Variants in XRCC1 observed in about 807,000 individuals in gnomAD.
XRCC1 encodes the protein X-ray repair cross complementing 1.
XRCC1 carries 52 observed loss-of-function variants against 83.3 expected under a neutral mutation model. The ratio of observed to expected loss-of-function variants is 0.62; its 90% CI spans 0.50 to 0.79. XRCC1 has a LOEUF of 0.79. Ranked by LOEUF, XRCC1 falls within the 30% of genes least tolerant of loss-of-function variation. The probability of loss-of-function intolerance (pLI) is 0.00; values close to 1 mark genes in which losing one functional copy is unlikely to be tolerated. For missense variants in XRCC1, 793 were observed against 823.5 expected, an observed-to-expected ratio of 0.96 and a Z score of 0.45; for synonymous variants, 281 against 312.6, an observed-to-expected ratio of 0.90 and a Z score of 1.07.
intron 8 of XRCC1, among the ~76,000 whole-genome samples, chr19:43,552,576 A>G (rs1297223962): frequency 7.1e-6 from 1 of 140,442 alleles, no homozygotes; most frequent in Middle Eastern, 4.1e-3. Flanking sequence ...CCAGGGGTCC[A>G]GGCTCCCAGC....
intron 4 of XRCC1, 142 bp from the exon 5 acceptor site, chr19:43,553,825 T>C (rs1310726431): frequency 1.5e-5 from 10 of 649,020 alleles, no homozygotes; most frequent in African/African-American, 5.5e-5. Flanking sequence ...CTGGCGATGG[T>C]GATGACAATT....
intron 3 of XRCC1, among the ~76,000 whole-genome samples, chr19:43,560,539 G>A (rs1395748309): frequency 6.6e-6 from 1 of 152,154 alleles, no homozygotes; most frequent in Non-Finnish European, 1.5e-5. Context: ...GAGGGCAGAT[G>A]GACTCTAGAA....
chr19:43,545,820 G>C lies in XRCC1; in HGVS notation c.1619C>G (p.Pro540Arg), dbSNP rs1600041095. ...EPPDLPVPEL[P>R]DFFQGKHFFL... is the part of the protein sequence containing the mutation. ...GGAGGGATGGGGGGATTTCCCACCT[G>C]GGAGCTCAGGGACTGGCAGATCAGG... Residue 540 changes from proline to arginine, a missense_variant and splice_region_variant, in exon 14 of 17, where the codon CCA (proline) becomes CGA (arginine). Pro to Arg is a moderately radical substitution (Grantham distance 103). Transcript: ENST00000262887. 6.2e-7 allele frequency: 1 copy of C among 1,613,634 alleles called. No homozygotes were observed. The highest frequency in any genetic ancestry group is 2.2e-5 in the East Asian group (1 of 44,872).
chr19:43,548,766 C>CAAAAAAAAAAAAAAAAAA (rs60740505), intron 10 of XRCC1, among the ~76,000 whole-genome samples: 53 of 64,556 alleles, frequency 8.2e-4, no homozygotes, highest in East Asian at 1.4e-3. Flanking sequence ...CAAGAATGAT[C>CAAAAAAAAAAAAAAAAAA]AAAAAAAAAA....
intron 2 of XRCC1, among the ~76,000 whole-genome samples, chr19:43,572,218 G>A (rs1972812232): frequency 6.6e-6 from 1 of 152,138 alleles, no homozygotes; most frequent in Non-Finnish European, 1.5e-5. Flanking sequence ...TGATTTCCCT[G>A]GAGTCACTTG....
At chr19:43,552,945 T>A (rs781347646) in intron 7 of XRCC1, 37 bp from the exon 8 acceptor site, 2 of 1,610,304 alleles carry the variant, frequency 1.2e-6, no homozygotes, top group Admixed American at 3.4e-5. Context: ...CTCCAGCTTC[T>A]CTCCTCCTCC....
At chr19:43,565,935 C>A (rs1972747829) in intron 2 of XRCC1, among the ~76,000 whole-genome samples, 1 of 151,670 alleles carries the variant, frequency 6.6e-6, no homozygotes, top group Admixed American at 6.6e-5. Context: ...GAGACTCTGT[C>A]TCAAGAGAGA....
chr19:43,560,793 A>C, intron 3 of XRCC1, 117 bp downstream of exon 3: 1 of 807,094 alleles, frequency 1.2e-6, no homozygotes, highest in Non-Finnish European at 2.1e-6. Context: ...AGAGGGCAGC[A>C]ATCAGGTGTG....
chr19:43,546,781 G>C (rs751869528), intron 11 of XRCC1, 54 bp from the exon 12 acceptor site: 56 of 1,594,584 alleles, frequency 3.5e-5, no homozygotes, highest in Non-Finnish European at 4.5e-5. Flanking sequence ...GGGTGTGTTG[G>C]GGGGGTACCT....
In XRCC1 at chr19:43,543,440, C is replaced by T. The variant is rs1022665812; in HGVS notation, c.1854G>A (p.Lys618=). The T allele has an allele frequency of 6.2e-7, 1 of 1,609,388 alleles. No homozygotes were observed. Among genetic ancestry groups the T allele is most frequent in the Non-Finnish European group, 8.5e-7 (1 of 1,178,024 alleles). ...RPRWIYSCNE[K]QKLLPHQLYG... Reference sequence around the variant, plus strand: ...AGAGCTGGTGAGGAAGTAACTTCTGCTTCTCATTGCAACTGTAGATCCATC... The same window carrying T: ...AGAGCTGGTGAGGAAGTAACTTCTGTTTCTCATTGCAACTGTAGATCCATC... Residue 618 remains lysine (K), a synonymous_variant, in exon 17 of 17, where the codon AAG becomes AAA. Transcript: ENST00000262887.
intron 3 of XRCC1, chr19:43,555,334 C>G (rs2146054850): frequency 6.6e-6 from 1 of 152,382 alleles, no homozygotes; most frequent in Middle Eastern, 3.4e-3. Context: ...TTCTGCTTCC[C>G]TAGCTGATCG....
intron 2 of XRCC1, chr19:43,574,646 C>T (rs1972836470): frequency 2.2e-6 from 1 of 449,162 alleles, no homozygotes; most frequent in Non-Finnish European, 4.1e-6. Flanking sequence ...TCATTTTGTT[C>T]CAGCTGAGGA....
chr19:43,564,589 G>C (rs1972733670), intron 2 of XRCC1, among the ~76,000 whole-genome samples: 1 of 152,058 alleles, frequency 6.6e-6, no homozygotes, highest in African/African-American at 2.4e-5. Context: ...GGGAGTTCGA[G>C]ACCAGCCTGA....
At chr19:43,557,792 C>CTAAAAAA (rs1972653927) in intron 3 of XRCC1, among the ~76,000 whole-genome samples, 1 of 41,002 alleles carries the variant, frequency 2.4e-5, no homozygotes, top group African/African-American at 8.1e-5. Context: ...AATTCCATCT[C>CTAAAAAA]AAAAAAAAAA....
chr19:43,561,289 C>A (rs1313047124), intron 2 of XRCC1, among the ~76,000 whole-genome samples: 1 of 152,240 alleles, frequency 6.6e-6, no homozygotes, highest in African/African-American at 2.4e-5. Context: ...TCCACCAGGT[C>A]AGCTTATCAC....
At chr19:43,572,927 CT>C (rs1015971628) in intron 2 of XRCC1, among the ~76,000 whole-genome samples, 209 of 91,140 alleles carry the variant, frequency 2.3e-3, no homozygotes, top group African/African-American at 7.0e-3. Flanking sequence ...GAGATCTTTT[CT>C]TTTTTTTTTT....
intron 2 of XRCC1, among the ~76,000 whole-genome samples, chr19:43,563,826 C>T (rs181133585): frequency 3.9e-5 from 6 of 152,326 alleles, no homozygotes; most frequent in Middle Eastern, 3.4e-3. Flanking sequence ...ATGATTACTG[C>T]CTGGTGTTAC....
rs752197924 is a variant in XRCC1, at chr19:43,544,251, G to A, written c.1622-17C>T. 6.3e-7 allele frequency: 1 copy of A among 1,596,686 alleles called. No homozygotes were observed. On this transcript the variant is annotated splice_polypyrimidine_tract_variant and intron_variant, in intron 14 of 16. Coordinates refer to ENST00000262887, the MANE Select transcript of XRCC1 (RefSeq NM_006297.3). ...GGAAGAAATCTGCAGGAGAGAAGGGGGCTAAGGTAAGCATGAGGCCCCAGG... is the reference window on the plus strand; with the variant it reads ...GGAAGAAATCTGCAGGAGAGAAGGGAGCTAAGGTAAGCATGAGGCCCCAGG...
intron 11 of XRCC1, 47 bp downstream of exon 11, chr19:43,546,837 G>A (rs763056047): frequency 3.7e-6 from 6 of 1,607,426 alleles, no homozygotes; most frequent in Admixed American, 1.7e-5. Flanking sequence ...GCGGACTCAT[G>A]TCATCCTCCC....
Sources: gnomAD v4.1 joint callset for allele counts (sites outside exome capture counted in the v4.1 genomes callset) on GRCh38, gnomAD v4.1.1 for gene constraint, MANE v1.5 for transcripts, NCBI Gene and HGNC (gene_info 2026-07-23, HGNC 2026-07-21) for gene names.